The following ZNF618 variants were observed in gnomAD, a reference collection of about 807,000 sequenced individuals.
The protein encoded by ZNF618 is neural precursor cell expressed, developmentally down-regulated 10.
A neutral mutation model predicts 103.0 loss-of-function variants in ZNF618; 34 were observed. The ratio of observed to expected loss-of-function variants is 0.33; its 90% CI spans 0.25 to 0.44. The LOEUF (loss-of-function observed/expected upper bound fraction) is 0.44. Among genes scored for constraint, ZNF618 ranks in the 20% least tolerant of loss-of-function variants. The pLI is 1.00. For missense variants in ZNF618, 1,059 were observed against 1,295.4 expected, an observed-to-expected ratio of 0.82 and a Z score of 2.80; for synonymous variants, 551 against 542.2, an observed-to-expected ratio of 1.02 and a Z score of -0.23.
At chr9:113,952,061 T>C (rs1835830692) in intron 1 of ZNF618, among the ~76,000 whole-genome samples, 1 of 152,202 alleles carries the variant, frequency 6.6e-6, no homozygotes, top group African/African-American at 2.4e-5. Context: ...GGGCGTTTCA[T>C]TAAAATTTCC....
intron 1 of ZNF618, among the ~76,000 whole-genome samples, chr9:113,876,851 G>A (rs1345602980): frequency 1.4e-5 from 2 of 144,498 alleles, no homozygotes; most frequent in African/African-American, 5.2e-5. Context: ...TTCCCCCCAG[G>A]TCCCCCATTT....
intron 2 of ZNF618, among the ~76,000 whole-genome samples, chr9:113,985,422 G>A (rs149978161): frequency 6.6e-6 from 1 of 152,212 alleles, no homozygotes; most frequent in Admixed American, 6.5e-5. Context: ...CTCTTGTGAC[G>A]TGCTGGACCT....
intron 6 of ZNF618, among the ~76,000 whole-genome samples, chr9:114,006,653 G>A (rs1430224584): frequency 6.6e-6 from 1 of 152,188 alleles, no homozygotes; most frequent in Admixed American, 6.5e-5. Context: ...AGTTTCTAGG[G>A]TCAAGAATTT....
intron 10 of ZNF618, among the ~76,000 whole-genome samples, chr9:114,023,393 AT>A (rs1843234147): frequency 1.3e-5 from 2 of 152,132 alleles, no homozygotes; most frequent in Admixed American, 1.3e-4. Flanking sequence ...TTACAATGGC[AT>A]ACTTCCCATT....
chr9:114,046,249 C>CATG (rs912943992), intron 13 of ZNF618, among the ~76,000 whole-genome samples: 1 of 152,134 alleles, frequency 6.6e-6, no homozygotes, highest in Non-Finnish European at 1.5e-5. Flanking sequence ...CTAATACAGT[C>CATG]ATGCACCACA....
At chr9:114,041,410 A>G (rs938216910) in intron 13 of ZNF618, among the ~76,000 whole-genome samples, 16 of 152,296 alleles carry the variant, frequency 1.1e-4, no homozygotes, top group African/African-American at 3.1e-4. Context: ...GCCCATGCCT[A>G]TGTCCTGAAT....
At chr9:114,032,288 G>A (rs118121133) in intron 11 of ZNF618, among the ~76,000 whole-genome samples, 3 of 152,312 alleles carry the variant, frequency 2.0e-5, no homozygotes, top group South Asian at 2.1e-4. Flanking sequence ...AGTGGTGGGC[G>A]GTAGATCCAA....
At chr9:113,880,837 C>T (rs16910261) in intron 1 of ZNF618, among the ~76,000 whole-genome samples, 7,083 of 152,246 alleles carry the variant, frequency 0.047, 580 homozygotes, top group East Asian at 0.27. Flanking sequence ...CTAGCTGAAC[C>T]GCCATGATGT....
chr9:114,038,224 C>A lies in ZNF618; in HGVS notation c.1246+1847C>A, dbSNP rs368436371. On this transcript the variant is annotated intron_variant, in intron 13 of 14. Coordinates refer to ENST00000374126, the MANE Select transcript of ZNF618 (RefSeq NM_001318042.2). ...CTCTGAATCCTCGGCACTCTGCCTGCGCCCTGCCAGCTTCTGGAAGCTGAG... is the reference window on the plus strand; with the variant it reads ...CTCTGAATCCTCGGCACTCTGCCTGAGCCCTGCCAGCTTCTGGAAGCTGAG... 2.7e-4 allele frequency among the ~76,000 whole-genome samples: 41 copies of A among 152,318 alleles called. 1 individual carries two copies. The East Asian group carries it at 6.8e-3, about 25-fold the overall frequency.
chr9:114,023,274 A>G (rs1466414154), intron 10 of ZNF618, among the ~76,000 whole-genome samples: 2 of 151,984 alleles, frequency 1.3e-5, no homozygotes, highest in Non-Finnish European at 2.9e-5. Flanking sequence ...CTTTCTAGCC[A>G]TAACTCTTTT....
chr9:113,956,209 CAAAAAAAAAAAAAAAAAA>C (rs10537910), intron 1 of ZNF618, among the ~76,000 whole-genome samples: 5 of 44,532 alleles, frequency 1.1e-4, no homozygotes, highest in African/African-American at 5.0e-4. Context: ...AACTCTGTCT[CAAAAAAAAAAAAAAAAAA>C]AAAAAAAAAA....
chr9:113,918,812 A>G (rs1374475581), intron 1 of ZNF618, among the ~76,000 whole-genome samples: 3 of 152,192 alleles, frequency 2.0e-5, no homozygotes, highest in Non-Finnish European at 4.4e-5. Context: ...CGGCCCTGGA[A>G]TCAGCCCTTA....
rs796382837 is a variant in ZNF618 at position 113,951,501 on chromosome 9, A to G, written c.34-17616A>G. 4.9e-3 allele frequency among the ~76,000 whole-genome samples: 344 copies of G among 70,832 alleles called. 20 individuals are homozygous for G. Among genetic ancestry groups the G allele is most frequent in the African/African-American group, 0.015 (316 of 21,396 alleles). 46.5% of individuals were successfully genotyped at this position (70,832 alleles called of 152,430 possible). ...TGTACACATATATGTGTGTATGTGTACACATATATGTGTGTATATGTACAC... is the reference window on the plus strand; with the variant it reads ...TGTACACATATATGTGTGTATGTGTGCACATATATGTGTGTATATGTACAC... On this transcript the variant is annotated intron_variant, in intron 1 of 14. Coordinates refer to ENST00000374126, the MANE Select transcript of ZNF618 (RefSeq NM_001318042.2).
intron 7 of ZNF618, 49 bp from the exon 8 acceptor site, chr9:114,008,295 C>G: frequency 6.2e-7 from 1 of 1,610,912 alleles, no homozygotes; most frequent in Non-Finnish European, 8.5e-7. Context: ...TAACAGGGCT[C>G]CTGTTTGTTT....
At chr9:113,978,804 C>G (rs1208103579) in intron 2 of ZNF618, among the ~76,000 whole-genome samples, 1 of 152,130 alleles carries the variant, frequency 6.6e-6, no homozygotes, top group Non-Finnish European at 1.5e-5. Flanking sequence ...CCTTGGTTTT[C>G]TTATCTAGAA....
intron 4 of ZNF618, among the ~76,000 whole-genome samples, chr9:114,000,943 G>A (rs1464757942): frequency 6.6e-6 from 1 of 152,196 alleles, no homozygotes; most frequent in Non-Finnish European, 1.5e-5. Context: ...GAATAGGCAG[G>A]TCTCCACCCC....
chr9:113,919,154 G>T (rs1372694384), intron 1 of ZNF618, among the ~76,000 whole-genome samples: 1 of 152,168 alleles, frequency 6.6e-6, no homozygotes, highest in Non-Finnish European at 1.5e-5. Flanking sequence ...AGAGCCAAGA[G>T]TGTGAGCAGC....
rs920893542 is a variant in ZNF618, at chr9:113,909,010, C to G, written c.33+32597C>G. Among the ~76,000 whole-genome samples, 4 of 151,822 alleles carry G rather than the reference C, an allele frequency of 2.6e-5. No homozygotes were observed. In the East Asian group the frequency reaches 7.8e-4, roughly 30 times the overall value. On this transcript the variant is annotated intron_variant, in intron 1 of 14. Coordinates refer to ENST00000374126, the MANE Select transcript of ZNF618 (RefSeq NM_001318042.2). The stretch of plus-strand genomic sequence containing the variant: ...CCTGGGTCAGTCGCCATTTATACCC[C>G]AAAGCCGGTGAATCCCTTAGTGGCC...
intron 9 of ZNF618, among the ~76,000 whole-genome samples, chr9:114,008,951 G>A (rs1366281849): frequency 6.6e-6 from 1 of 152,202 alleles, no homozygotes; most frequent in Non-Finnish European, 1.5e-5. Flanking sequence ...CTGGTACATA[G>A]TAGGTGCTCG....
Sources: allele counts gnomAD v4.1 joint callset (sites outside exome capture counted in the v4.1 genomes callset), GRCh38; gene constraint gnomAD v4.1.1; transcripts MANE v1.5; gene names NCBI Gene and HGNC (gene_info 2026-07-23, HGNC 2026-07-21).